The following RBFOX3 variants were observed in gnomAD, a reference collection of about 807,000 sequenced individuals.
RBFOX3 encodes RNA binding fox-1 homolog 3, also known as RNA binding protein fox-1 homolog 3.
A neutral mutation model predicts 48.7 loss-of-function variants in RBFOX3; 17 were observed. The observed-to-expected ratio is 0.35, with a 90% CI of 0.24 to 0.52. RBFOX3 has a LOEUF of 0.52. Among genes scored for constraint, RBFOX3 ranks in the 20% least tolerant of loss-of-function variants. The probability of loss-of-function intolerance (pLI) is 0.94; values close to 1 mark genes in which losing one functional copy is unlikely to be tolerated. For synonymous variants in RBFOX3, 212 were observed against 209.5 expected (o/e 1.01, Z -0.10); for missense variants, 382 against 497.5 (o/e 0.77, Z 2.21).
chr17:79,490,267 T>C (rs2080295460), intron 1 of RBFOX3, among the ~76,000 whole-genome samples: 1 of 152,240 alleles, frequency 6.6e-6, no homozygotes, highest in Admixed American at 6.5e-5. Flanking sequence ...GTTACATTAT[T>C]CAACGTATCC....
intron 1 of RBFOX3, among the ~76,000 whole-genome samples, chr17:79,513,432 C>T (rs2084796156): frequency 6.6e-6 from 1 of 152,122 alleles, no homozygotes; most frequent in Non-Finnish European, 1.5e-5. Context: ...TGAATACATT[C>T]ACCATTGGGC....
intron 2 of RBFOX3, among the ~76,000 whole-genome samples, chr17:79,438,570 G>A (rs1243396807): frequency 6.6e-6 from 1 of 152,182 alleles, no homozygotes; most frequent in African/African-American, 2.4e-5. Flanking sequence ...GCACAGCAGT[G>A]GGCTCCTTTC....
At chr17:79,293,667 G>C (rs986914522) in intron 3 of RBFOX3, among the ~76,000 whole-genome samples, 1 of 152,056 alleles carries the variant, frequency 6.6e-6, no homozygotes. Context: ...TGGCTGGGCT[G>C]GTCTCGAACT....
At chr17:79,148,773 C>A (rs768089345) in intron 4 of RBFOX3, among the ~76,000 whole-genome samples, 3 of 152,210 alleles carry the variant, frequency 2.0e-5, no homozygotes, top group African/African-American at 4.8e-5. Context: ...GGGAGGCCGA[C>A]CCCGCCGGGG....
intron 4 of RBFOX3, among the ~76,000 whole-genome samples, chr17:79,129,919 C>G (rs571357332): frequency 3.4e-4 from 51 of 152,236 alleles, no homozygotes; most frequent in Middle Eastern, 3.4e-3. Context: ...CTCTCCTTGC[C>G]CCAGCAAGAG....
intron 3 of RBFOX3, among the ~76,000 whole-genome samples, chr17:79,278,850 G>A (rs1195764518): frequency 6.6e-6 from 1 of 152,212 alleles, no homozygotes; most frequent in Admixed American, 6.5e-5. Context: ...CCCCTCCAGT[G>A]ACAGATGAGG....
intron 4 of RBFOX3, among the ~76,000 whole-genome samples, chr17:79,131,078 TCCCGTGTGTGCTGTGTGC>T (rs2038748256): frequency 6.6e-6 from 1 of 150,524 alleles, no homozygotes; most frequent in Non-Finnish European, 1.5e-5. Context: ...GTGCTGCGTG[TCCCGTGTGTGCTGTGTGC>T]CCCGTGTGTG....
At chr17:79,438,576 C>T (rs782748200) in intron 2 of RBFOX3, among the ~76,000 whole-genome samples, 3 of 152,220 alleles carry the variant, frequency 2.0e-5, no homozygotes, top group Admixed American at 6.5e-5. Context: ...CAGTGGGCTC[C>T]TTTCTCTGGG....
At chr17:79,562,265 G>A (rs1285172916) in intron 1 of RBFOX3, among the ~76,000 whole-genome samples, 4 of 152,138 alleles carry the variant, frequency 2.6e-5, no homozygotes, top group African/African-American at 4.8e-5. Flanking sequence ...CACCCGAGTC[G>A]GCGGCTTCCC....
At chr17:79,144,834 GC>G (rs1191400144) in intron 4 of RBFOX3, among the ~76,000 whole-genome samples, 2 of 151,840 alleles carry the variant, frequency 1.3e-5, no homozygotes, top group African/African-American at 4.8e-5. Flanking sequence ...AGAGCTGAGG[GC>G]CCGAGGCAAA....
At chr17:79,397,492 C>CA (rs2062156703) in intron 2 of RBFOX3, among the ~76,000 whole-genome samples, 2 of 146,774 alleles carry the variant, frequency 1.4e-5, no homozygotes, top group African/African-American at 5.1e-5. Context: ...GACTCCATCC[C>CA]CAAAAAAAAA....
chr17:79,495,190 G>T (rs1417437190), intron 1 of RBFOX3, among the ~76,000 whole-genome samples: 1 of 150,756 alleles, frequency 6.6e-6, no homozygotes, highest in Non-Finnish European at 1.5e-5. Context: ...CGGGTGGGAG[G>T]TGAAGAGAGG....
intron 1 of RBFOX3, among the ~76,000 whole-genome samples, chr17:79,498,464 TTCAC>T (rs2081891979): frequency 3.8e-5 from 1 of 26,046 alleles, no homozygotes; most frequent in Non-Finnish European, 8.1e-5. Context: ...CATCTACCCA[TTCAC>T]TCATCCATCC....
chr17:79,128,391 A>G (rs1481036228), intron 4 of RBFOX3, among the ~76,000 whole-genome samples: 1 of 152,174 alleles, frequency 6.6e-6, no homozygotes, highest in Non-Finnish European at 1.5e-5. Flanking sequence ...GGTTTTCCCC[A>G]GGTGCTTTGT....
chr17:79,171,286 G>A (rs903374856), intron 4 of RBFOX3, among the ~76,000 whole-genome samples: 2 of 152,064 alleles, frequency 1.3e-5, no homozygotes, highest in African/African-American at 2.4e-5. Context: ...TTGCAGATGC[G>A]GCTGTTAGGA....
chr17:79,173,378 A>G (rs1048963917), intron 4 of RBFOX3, among the ~76,000 whole-genome samples: 10 of 152,148 alleles, frequency 6.6e-5, no homozygotes, highest in African/African-American at 2.4e-4. Flanking sequence ...ACCTCATGAG[A>G]CAGCTCATGC....
In RBFOX3 at chr17:79,361,066, G is replaced by C. The variant is rs1399579320; in HGVS notation, c.-174-53242C>G. ...GAAGTTCACGTCTCAGGCAAAGGAA[G>C]GGAAAGGAATAAATGGCCGAACCCC... On this transcript the variant is annotated intron_variant, in intron 2 of 14. Coordinates refer to ENST00000693108, the MANE Select transcript of RBFOX3 (RefSeq NM_001350451.2). This position sits in a 1 kb window ranked among gnomAD's most constrained non-coding sequence, Gnocchi z 4.5. Among the ~76,000 whole-genome samples the C allele has an allele frequency of 6.6e-6, 1 of 152,116 alleles. No homozygotes were observed. The highest frequency in any genetic ancestry group is 1.5e-5 in the Non-Finnish European group (1 of 68,026).
intron 4 of RBFOX3, among the ~76,000 whole-genome samples, chr17:79,231,466 A>G (rs1350692553): frequency 6.6e-6 from 1 of 152,116 alleles, no homozygotes; most frequent in Non-Finnish European, 1.5e-5. Flanking sequence ...ACCTAGGATA[A>G]ATACAGCCCT....
chr17:79,360,893 G>C (rs972788140), intron 2 of RBFOX3, among the ~76,000 whole-genome samples: 1 of 150,528 alleles, frequency 6.6e-6, no homozygotes, highest in East Asian at 2.0e-4. Flanking sequence ...ATATGAGTTT[G>C]AAATTAGTTG....
Sources: allele counts gnomAD v4.1 joint callset (sites outside exome capture counted in the v4.1 genomes callset), GRCh38; gene constraint gnomAD v4.1.1; non-coding constraint Gnocchi (gnomAD v3.1); transcripts MANE v1.5; gene names NCBI Gene and HGNC (gene_info 2026-07-23, HGNC 2026-07-21).